TMCC1: variants seen among roughly 807,000 people sequenced by gnomAD.
TMCC1 encodes the protein transmembrane and coiled-coil domain family 1.
In TMCC1, 15 loss-of-function variants were observed where a neutral mutation model predicts 52.4. The ratio of observed to expected loss-of-function variants is 0.29; its 90% CI spans 0.19 to 0.44. The LOEUF (loss-of-function observed/expected upper bound fraction) is 0.44, where lower values mean the gene tolerates loss of function less well. TMCC1 is among the 20% of genes least tolerant of loss of function. The pLI, the probability that TMCC1 is intolerant of heterozygous loss-of-function variation, is 1.00. For missense variants in TMCC1, 503 were observed against 806.0 expected (o/e 0.62, Z 4.55); for synonymous variants, 279 against 301.9 (o/e 0.92, Z 0.79).
intron 4 of TMCC1, among the ~76,000 whole-genome samples, chr3:129,782,568 G>A (rs1576823492): frequency 6.6e-6 from 1 of 152,182 alleles, no homozygotes; most frequent in Non-Finnish European, 1.5e-5. Flanking sequence ...TATATTTTAC[G>A]GTCTTCAAAG....
chr3:129,748,143 T>C (rs2052152091), intron 4 of TMCC1, among the ~76,000 whole-genome samples: 1 of 152,180 alleles, frequency 6.6e-6, no homozygotes, highest in Non-Finnish European at 1.5e-5. Context: ...AGACTCAGTA[T>C]TCTGTGGCAA....
At chr3:129,861,609 GAC>G (rs1702479371) in intron 2 of TMCC1, among the ~76,000 whole-genome samples, 1 of 151,942 alleles carries the variant, frequency 6.6e-6, no homozygotes, top group African/African-American at 2.4e-5. Flanking sequence ...ATGGCCAAAA[GAC>G]ACATTAAAAG....
intron 4 of TMCC1, among the ~76,000 whole-genome samples, chr3:129,813,748 G>A (rs1232291816): frequency 1.3e-5 from 2 of 151,260 alleles, no homozygotes; most frequent in Non-Finnish European, 2.9e-5. Context: ...CCCGCAACAT[G>A]CAGTTTACCT....
rs369718286 is a variant in TMCC1 at position 129,854,711 on chromosome 3, T to C, written c.-183-21885A>G. On this transcript the variant is annotated intron_variant, in intron 2 of 6. Transcript: ENST00000393238. ...CTATCCTTTCTTTGCCAAGTTAACA[T>C]CTACTCCTCCTTCAGATCATAGCAC... 3.9e-5 allele frequency among the ~76,000 whole-genome samples: 6 copies of C among 152,336 alleles called. No individual in the cohort carries two copies. The East Asian group carries it at 7.7e-4, about 20-fold the overall frequency.
chr3:129,708,849 C>T (rs189315386), intron 4 of TMCC1, among the ~76,000 whole-genome samples: 18 of 152,280 alleles, frequency 1.2e-4, no homozygotes, highest in Admixed American at 9.8e-4. Flanking sequence ...ATCCGGCATA[C>T]CCTATGTCTT....
chr3:129,827,738 A>G (rs1224870549), intron 4 of TMCC1, 65 bp downstream of exon 4: 1 of 1,525,910 alleles, frequency 6.6e-7, no homozygotes, highest in African/African-American at 1.4e-5. Context: ...ACCAAAGGAA[A>G]GTCTGGAGAG....
chr3:129,693,738 G>A (rs1300694722), intron 4 of TMCC1, among the ~76,000 whole-genome samples: 1 of 152,008 alleles, frequency 6.6e-6, no homozygotes, highest in African/African-American at 2.4e-5. Context: ...CATTTTAGTA[G>A]ATTGATTCTG....
intron 4 of TMCC1, among the ~76,000 whole-genome samples, chr3:129,716,665 C>T (rs2049135751): frequency 6.6e-6 from 1 of 151,928 alleles, no homozygotes; most frequent in African/African-American, 2.4e-5. Flanking sequence ...ACTTTTACAA[C>T]CTAGTTCTGC....
chr3:129,857,648 G>A (rs189529853), intron 2 of TMCC1, among the ~76,000 whole-genome samples: 7 of 151,744 alleles, frequency 4.6e-5, no homozygotes, highest in East Asian at 3.9e-4. Flanking sequence ...TGCAAGCTCC[G>A]CCTCCCGGGT....
chr3:129,712,875 C>A (rs915335906), intron 4 of TMCC1, among the ~76,000 whole-genome samples: 3 of 152,102 alleles, frequency 2.0e-5, no homozygotes, highest in African/African-American at 7.2e-5. Context: ...AGAAATAAAA[C>A]CTCTGGTAGG....
At chr3:129,760,416 GTGTGTGTGTGTGTGTGTGTT>G (rs1306985148) in intron 4 of TMCC1, among the ~76,000 whole-genome samples, 2 of 149,396 alleles carry the variant, frequency 1.3e-5, no homozygotes, top group Admixed American at 7.0e-5. Flanking sequence ...GTGTGTGTGT[GTGTGTGTGTGTGTGTGTGTT>G]TTTGAGACAG....
At chr3:129,833,734 C>CA (rs903612655) in intron 2 of TMCC1, among the ~76,000 whole-genome samples, 42 of 150,090 alleles carry the variant, frequency 2.8e-4, no homozygotes, top group Middle Eastern at 3.4e-3. Context: ...ATGTCTCTAC[C>CA]AAAAAAAAAT....
At chr3:129,696,762 C>G (rs1204210077) in intron 4 of TMCC1, among the ~76,000 whole-genome samples, 1 of 152,192 alleles carries the variant, frequency 6.6e-6, no homozygotes, top group Non-Finnish European at 1.5e-5. Flanking sequence ...ATGGGAGAAA[C>G]TGGCTAAAAT....
intron 4 of TMCC1, among the ~76,000 whole-genome samples, chr3:129,766,148 C>A (rs181818047): frequency 3.3e-5 from 5 of 152,280 alleles, no homozygotes; most frequent in Non-Finnish European, 7.4e-5. Flanking sequence ...ATGCAATAAT[C>A]CCTTCGTCTT....
At chr3:129,868,791 G>A (rs2060778688) in intron 2 of TMCC1, among the ~76,000 whole-genome samples, 2 of 152,094 alleles carry the variant, frequency 1.3e-5, no homozygotes, top group Admixed American at 6.6e-5. Flanking sequence ...AAATGTTACT[G>A]ACATTACCAA....
chr3:129,706,832 C>CTG (rs1377786096), intron 4 of TMCC1, among the ~76,000 whole-genome samples: 3 of 152,046 alleles, frequency 2.0e-5, no homozygotes, highest in African/African-American at 7.2e-5. Flanking sequence ...AGGTCTTGCA[C>CTG]TGTTGCACAG....
At chr3:129,745,126 T>G (rs548117089) in intron 4 of TMCC1, among the ~76,000 whole-genome samples, 43 of 152,214 alleles carry the variant, frequency 2.8e-4, no homozygotes, top group Non-Finnish European at 5.7e-4. Context: ...TTAAACTAGA[T>G]TTCAAGGTAT....
At position 129,893,640 on chromosome 3, in the gene TMCC1, G is replaced by GCCGCCGCCTCAGTCA. The variant is rs1163987253; in HGVS notation, c.-596_-582dup. 1.1e-4 allele frequency: 15 copies of GCCGCCGCCTCAGTCA among 138,588 alleles called. No homozygotes were observed. The highest frequency in any genetic ancestry group is 4.7e-4 in the South Asian group (2 of 4,252). 8.6% of individuals were successfully genotyped at this position (138,588 alleles called of 1,614,324 possible). A position where few individuals can be genotyped will look rare whatever the true frequency, so the allele number is the denominator to read the frequency against. On this transcript the variant is annotated 5_prime_UTR_variant, in exon 1 of 7. Coordinates refer to ENST00000393238, the MANE Select transcript of TMCC1 (RefSeq NM_001017395.5). ...ACCCTCCCCCCGCGCCGCCTCAGCC[G>GCCGCCGCCTCAGTCA]CCGCCGCCTCAGTCACCGCCACCGC...
At chr3:129,724,634 T>A (rs1002712567) in intron 4 of TMCC1, among the ~76,000 whole-genome samples, 1 of 152,180 alleles carries the variant, frequency 6.6e-6, no homozygotes, top group African/African-American at 2.4e-5. Context: ...TCTTTTTAGT[T>A]CAAGAATGTG....
Sources: allele counts gnomAD v4.1 joint callset (sites outside exome capture counted in the v4.1 genomes callset), GRCh38; gene constraint gnomAD v4.1.1; transcripts MANE v1.5; gene names NCBI Gene and HGNC (gene_info 2026-07-23, HGNC 2026-07-21).